Variants in ANXA6 observed in about 807,000 individuals in gnomAD.
The protein encoded by ANXA6 is annexin A6, also known as 67 kDa calelectrin.
A neutral mutation model predicts 95.4 loss-of-function variants in ANXA6; 71 were observed. The ratio of observed to expected loss-of-function variants is 0.74; its 90% CI spans 0.61 to 0.91. The LOEUF (loss-of-function observed/expected upper bound fraction) is 0.91. Among genes scored for constraint, ANXA6 ranks in the 40% least tolerant of loss-of-function variants. ANXA6 has a pLI of 0.00. For missense variants in ANXA6, 830 were observed against 876.4 expected (o/e 0.95, Z 0.67); for synonymous variants, 289 against 315.9 (o/e 0.91, Z 0.90).
intron 17 of ANXA6, among the ~76,000 whole-genome samples, chr5:151,120,786 C>A (rs1338009732): frequency 6.6e-6 from 1 of 152,112 alleles, no homozygotes; most frequent in Non-Finnish European, 1.5e-5. Context: ...CTGCCTAGTG[C>A]TCTAATGGTC....
intron 1 of ANXA6, among the ~76,000 whole-genome samples, chr5:151,153,018 G>C (rs1766144851): frequency 6.6e-6 from 1 of 152,088 alleles, no homozygotes; most frequent in African/African-American, 2.4e-5. Flanking sequence ...CTCTGCCTCA[G>C]GGGAGTGCCT....
At chr5:151,105,218 G>C in intron 24 of ANXA6, 27 bp downstream of exon 24, 1 of 1,607,966 alleles carries the variant, frequency 6.2e-7, no homozygotes, top group Non-Finnish European at 8.5e-7. Context: ...TGCTTGAAGG[G>C]AAAGGAACGC....
rs1298946599 is a variant in ANXA6, at chr5:151,157,738, A to C, written c.-84T>G. 6.5e-6 allele frequency: 1 copy of C among 152,692 alleles called. No individual in the cohort carries two copies. Among genetic ancestry groups the C allele is most frequent in the Non-Finnish European group, 1.5e-5 (1 of 68,096 alleles). The allele number at this position is 152,692 out of a possible 1,614,324, so 9.5% of individuals were successfully genotyped here. On this transcript the variant is annotated 5_prime_UTR_variant, in exon 1 of 26. Coordinates refer to ENST00000354546, the MANE Select transcript of ANXA6 (RefSeq NM_001155.5). ...CACGGGCGCAGGGACTCGAGGACGC[A>C]GCGCTCGCTGGATCGGAGCCCGTTA...
At position 151,122,265 on chromosome 5, in the gene ANXA6, A is replaced by C; in HGVS notation, c.1234-5T>G. On this transcript the variant is annotated splice_polypyrimidine_tract_variant and splice_region_variant and intron_variant, in intron 16 of 25. Transcript: ENST00000354546. Reference sequence around the variant, plus strand: ...CTTCAGGTCAGTCATTAAGTCCTGCAAAGGGCAGAGCCACAGTCATGCCAA... The same window carrying C: ...CTTCAGGTCAGTCATTAAGTCCTGCCAAGGGCAGAGCCACAGTCATGCCAA... 6.3e-7 allele frequency: 1 copy of C among 1,581,646 alleles called. No individual in the cohort carries two copies. Among genetic ancestry groups the C allele is most frequent in the Non-Finnish European group, 8.6e-7 (1 of 1,157,460 alleles).
intron 20 of ANXA6, among the ~76,000 whole-genome samples, chr5:151,113,326 C>T (rs186029060): frequency 2.5e-3 from 387 of 152,094 alleles, no homozygotes; most frequent in South Asian, 0.013. Context: ...CACTTGAATC[C>T]GGGAGGTGGA....
chr5:151,142,402 T>C (rs549522490), intron 2 of ANXA6, among the ~76,000 whole-genome samples: 2 of 151,714 alleles, frequency 1.3e-5, no homozygotes, highest in Admixed American at 1.3e-4. Flanking sequence ...CACTTGAACC[T>C]GGGAGGCAGA....
intron 20 of ANXA6, among the ~76,000 whole-genome samples, chr5:151,112,302 CA>C (rs201212823): frequency 2.2e-3 from 323 of 149,708 alleles, no homozygotes; most frequent in African/African-American, 6.0e-3. Flanking sequence ...TATCTAGATT[CA>C]AAAAAAAATA....
At chr5:151,102,341 G>A (rs1182170860) in intron 25 of ANXA6, among the ~76,000 whole-genome samples, 1 of 152,172 alleles carries the variant, frequency 6.6e-6, no homozygotes, top group Non-Finnish European at 1.5e-5. Flanking sequence ...TAGCCAAGTA[G>A]AACCAAGCAT....
intron 20 of ANXA6, among the ~76,000 whole-genome samples, chr5:151,114,350 G>C (rs976264632): frequency 2.0e-5 from 3 of 152,014 alleles, no homozygotes; most frequent in Non-Finnish European, 4.4e-5. Flanking sequence ...GGTGGCTCAC[G>C]CCTGTAATCC....
intron 13 of ANXA6, among the ~76,000 whole-genome samples, 193 bp downstream of exon 13, chr5:151,127,988 C>T (rs41290569): frequency 0.014 from 2,146 of 152,268 alleles, 25 homozygotes; most frequent in Non-Finnish European, 0.024. Context: ...CACGTTCAGA[C>T]CCCCACACTC....
chr5:151,125,370 GA>G (rs1296377064), intron 14 of ANXA6, among the ~76,000 whole-genome samples: 2 of 147,330 alleles, frequency 1.4e-5, no homozygotes, highest in East Asian at 3.9e-4. Context: ...AGGAATGGAT[GA>G]AATTAATTTT....
chr5:151,127,776 AAGG>A (rs1765368791), intron 13 of ANXA6, among the ~76,000 whole-genome samples: 1 of 152,198 alleles, frequency 6.6e-6, no homozygotes, highest in African/African-American at 2.4e-5. Flanking sequence ...CTGCACCCAG[AAGG>A]CACTTAACAC....
At chr5:151,121,458 CA>C (rs76286569) in intron 17 of ANXA6, among the ~76,000 whole-genome samples, 6,248 of 152,290 alleles carry the variant, frequency 0.041, 314 homozygotes, top group South Asian at 0.19. Flanking sequence ...ACTTCTGGGC[CA>C]GGACATAATG....
Position 151,108,491 on chromosome 5 carries a change from T to C in ANXA6, c.1744A>G (p.Met582Val). 1 of 1,613,846 alleles carries C rather than the reference T, an allele frequency of 6.2e-7. No individual in the cohort carries two copies. Among genetic ancestry groups the C allele is most frequent in the African/African-American group, 1.3e-5 (1 of 75,000 alleles). Residue 582 changes from methionine to valine, a missense_variant, in exon 23 of 26, where the codon ATG becomes GTG. Transcript: ENST00000354546. ...YDVEHTIKKEMSGDVRDAFVA... is the reference protein window; with the variant it reads ...YDVEHTIKKEVSGDVRDAFVA... ...AATGCATCCCTGACATCCCCAGACA[T>C]CTCCTTCTTGATGGTGTGCTCCACG...
chr5:151,145,054 G>A (rs1222027430), intron 2 of ANXA6, among the ~76,000 whole-genome samples: 3 of 152,120 alleles, frequency 2.0e-5, no homozygotes, highest in Non-Finnish European at 4.4e-5. Flanking sequence ...TCACACCTCC[G>A]GCAGACAGGT....
chr5:151,108,938 G>A (rs912480056), intron 22 of ANXA6, among the ~76,000 whole-genome samples: 1 of 152,178 alleles, frequency 6.6e-6, no homozygotes, highest in Non-Finnish European at 1.5e-5. Context: ...TCCTGTGTCC[G>A]CTTGGGATGA....
At chr5:151,105,379 T>C (rs1239870203) in intron 23 of ANXA6, 76 bp from the exon 24 acceptor site, 3 of 1,292,644 alleles carry the variant, frequency 2.3e-6, no homozygotes, top group Non-Finnish European at 3.4e-6. Flanking sequence ...GCCTCCCCCA[T>C]CTCCCCACCT....
rs1447914600 is a variant in ANXA6, at chr5:151,136,272, A to G, written c.473T>C (p.Leu158Pro). 3 of 1,613,880 alleles carry G rather than the reference A, an allele frequency of 1.9e-6. No individual in the cohort carries two copies. The highest frequency in any genetic ancestry group is 4.5e-5 in the East Asian group (2 of 44,904). ...GDTSGHFQKM[L>P]VVLLQGTREE... ...TGAACCAACCTGGAGCAGGACCACA[A>G]GCATCTTCTGGAAGTGGCCAGAGGT... The change falls in exon 7 of 26, where the codon CTT becomes CCT. Residue 158 changes from leucine to proline, a missense_variant. Transcript: ENST00000354546.
chr5:151,137,269 T>G lies in ANXA6; in HGVS notation c.371A>C (p.Asn124Thr). The G allele has an allele frequency of 6.2e-7, 1 of 1,613,754 alleles. No individual in the cohort carries two copies. Among genetic ancestry groups the G allele is most frequent in the Non-Finnish European group, 8.5e-7 (1 of 1,179,834 alleles). Residue 124 changes from asparagine to threonine, a missense_variant, in exon 6 of 26, where the codon AAT becomes ACT. Physicochemically the swap from Asn to Thr is moderately conservative, Grantham distance 65. Coordinates refer to ENST00000354546, the MANE Select transcript of ANXA6 (RefSeq NM_001155.5). ...TGCCACCAGCTGGTGCATCTGCTCA[T>G]TGGTCCGGGAAGCCAAGATCTCAAT... is the stretch of plus-strand genomic sequence containing the variant. ...CLIEILASRT[N>T]EQMHQLVAAY...
Sources: gnomAD v4.1 joint callset for allele counts (sites outside exome capture counted in the v4.1 genomes callset) on GRCh38, gnomAD v4.1.1 for gene constraint, MANE v1.5 for transcripts, NCBI Gene and HGNC (gene_info 2026-07-23, HGNC 2026-07-21) for gene names.